The following RSF1 variants were observed in gnomAD, a reference collection of about 807,000 sequenced individuals.
The protein encoded by RSF1 is HBV pX-associated protein 8.
A neutral mutation model predicts 145.2 loss-of-function variants in RSF1; 13 were observed. The ratio of observed to expected loss-of-function variants is 0.09; its 90% CI spans 0.06 to 0.14. The LOEUF (loss-of-function observed/expected upper bound fraction) is 0.14. RSF1 is among the 10% of genes least tolerant of loss of function. The pLI, the probability that RSF1 is intolerant of heterozygous loss-of-function variation, is 1.00. For missense variants in RSF1, 1,517 were observed against 1,718.2 expected (o/e 0.88, Z 2.07); for synonymous variants, 577 against 592.6 (o/e 0.97, Z 0.38).
intron 1 of RSF1, chr11:77,813,834 C>CAT (rs1948755462): frequency 5.0e-6 from 1 of 199,170 alleles, no homozygotes; most frequent in South Asian, 9.5e-5. Flanking sequence ...CACACACACA[C>CAT]ACACACACAC....
At chr11:77,704,542 C>T (rs1264955666) in intron 5 of RSF1, among the ~76,000 whole-genome samples, 1 of 152,054 alleles carries the variant, frequency 6.6e-6, no homozygotes, top group Non-Finnish European at 1.5e-5. Flanking sequence ...CAAAATAAAA[C>T]AAGAAATGAC....
chr11:77,771,964 A>C (rs1948290040), intron 1 of RSF1, among the ~76,000 whole-genome samples: 1 of 152,224 alleles, frequency 6.6e-6, no homozygotes, highest in South Asian at 2.1e-4. Flanking sequence ...CTAAAATGTT[A>C]AAACATTTTC....
chr11:77,829,524 A>G, the RSF1 span: 10 of 152,170 alleles, frequency 6.6e-5, no homozygotes, highest in African/African-American at 2.4e-4. Context: ...TAGTTTTTGC[A>G]ACAAATGATG....
At chr11:77,801,802 G>A (rs1026216202) in intron 1 of RSF1, among the ~76,000 whole-genome samples, 1 of 151,950 alleles carries the variant, frequency 6.6e-6, no homozygotes, top group Non-Finnish European at 1.5e-5. Context: ...TTCCTCCAGA[G>A]AGCGAAGAGA....
At chr11:77,802,095 C>T (rs112326928) in intron 1 of RSF1, among the ~76,000 whole-genome samples, 2,114 of 152,260 alleles carry the variant, frequency 0.014, 46 homozygotes, top group African/African-American at 0.048. Context: ...AGCGCCTGCA[C>T]TTGGGACTCT....
chr11:77,688,731 G>C (rs1960073738), intron 9 of RSF1, among the ~76,000 whole-genome samples: 1 of 152,152 alleles, frequency 6.6e-6, no homozygotes, highest in African/African-American at 2.4e-5. Flanking sequence ...TCCAAGACCA[G>C]CCTGGGCAAC....
the RSF1 span, chr11:77,869,206 T>G: frequency 4.7e-6 from 1 of 210,632 alleles, no homozygotes; most frequent in East Asian, 1.2e-4. Context: ...TTTGGCAAAT[T>G]ACTGGAAGAT....
chr11:77,868,059 T>TC, the RSF1 span, among the ~76,000 whole-genome samples: 1 of 54,926 alleles, frequency 1.8e-5, no homozygotes, highest in Non-Finnish European at 3.6e-5. Context: ...CCTCTGAGCC[T>TC]TTTTTTTTTT....
intron 9 of RSF1, among the ~76,000 whole-genome samples, chr11:77,685,574 G>A (rs950228953): frequency 6.6e-6 from 1 of 152,194 alleles, no homozygotes; most frequent in Non-Finnish European, 1.5e-5. Context: ...GGGATTATAG[G>A]TGTGACCACT....
upstream of RSF1, among the ~76,000 whole-genome samples, chr11:77,825,799 C>A (rs1240647349): frequency 6.6e-6 from 1 of 151,342 alleles, no homozygotes; most frequent in Non-Finnish European, 1.5e-5. Flanking sequence ...TCAAGTGATT[C>A]TCCTGCCTCA....
the RSF1 span, among the ~76,000 whole-genome samples, chr11:77,837,136 T>C: frequency 1.3e-5 from 2 of 152,212 alleles, no homozygotes; most frequent in Non-Finnish European, 2.9e-5. Context: ...TGTTTGTTTG[T>C]TTGCTTGCTT....
In RSF1 at chr11:77,667,258, C is replaced by T; in HGVS notation, c.3985G>A (p.Val1329Ile). The change falls in exon 16 of 16, where the codon GTC becomes ATC. Residue 1329 changes from valine to isoleucine, a missense_variant. Around this residue, in one of 12 missense-constraint regions of RSF1, gnomAD observed 240 missense variants for 231.8 expected, o/e 1.04. Transcript: ENST00000308488. ...NQPARDSQPR[V>I]LPSEQESTKK... ...GTGCTCTCTTGTTCTGAGGGCAGGA[C>T]CCTAGGCTGGCTGTCACGGGCAGGC... The T allele has an allele frequency of 6.2e-7, 1 of 1,614,148 alleles. No individual in the cohort carries two copies. The highest frequency in any genetic ancestry group is 8.5e-7 in the Non-Finnish European group (1 of 1,180,030).
chr11:77,734,817 C>T, intron 4 of RSF1: 1 of 1,595,306 alleles, frequency 6.3e-7, no homozygotes, highest in South Asian at 1.1e-5. Flanking sequence ...GCAGCTTCAT[C>T]AGTTTCTCAG....
At chr11:77,673,671 G>A (rs1959616505) in intron 14 of RSF1, among the ~76,000 whole-genome samples, 2 of 152,148 alleles carry the variant, frequency 1.3e-5, no homozygotes, top group African/African-American at 4.8e-5. Flanking sequence ...ACTAAAACTA[G>A]CAGGTGAAAT....
In RSF1 at chr11:77,700,939, T is replaced by C. The variant is rs1172403293; in HGVS notation, c.2290A>G (p.Lys764Glu). 6.2e-7 allele frequency: 1 copy of C among 1,613,302 alleles called. No individual in the cohort carries two copies. The highest frequency in any genetic ancestry group is 1.1e-5 in the South Asian group (1 of 91,010). Residue 764 changes from lysine (K) to glutamate (E), a missense_variant, in exon 6 of 16, where the codon AAG (lysine) becomes GAG (glutamate). Coordinates refer to ENST00000308488, the MANE Select transcript of RSF1 (RefSeq NM_016578.4). ...EPENKQEKTE[K>E]EEEKTNVGRT... ...CCCACATTTGTTTTCTCCTCTTCCT[T>C]TTCTGTCTTCTCTTGCTTGTTTTCT...
the RSF1 span, among the ~76,000 whole-genome samples, chr11:77,837,741 G>A: frequency 2.6e-5 from 4 of 152,034 alleles, no homozygotes; most frequent in South Asian, 2.1e-4. Context: ...CAGCCCTCAG[G>A]TACTTATTTT....
intron 7 of RSF1, among the ~76,000 whole-genome samples, chr11:77,694,083 C>T (rs1960225226): frequency 6.6e-6 from 1 of 151,870 alleles, no homozygotes; most frequent in Non-Finnish European, 1.5e-5. Flanking sequence ...GCGCCCAGCC[C>T]ATGCTAATTT....
intron 1 of RSF1, among the ~76,000 whole-genome samples, chr11:77,768,769 T>C (rs1226230953): frequency 6.6e-6 from 1 of 152,198 alleles, no homozygotes; most frequent in Non-Finnish European, 1.5e-5. Context: ...AGAAACAGGC[T>C]ACAGGAAAAT....
intron 5 of RSF1, among the ~76,000 whole-genome samples, chr11:77,712,163 T>C (rs1314671562): frequency 6.6e-6 from 1 of 152,238 alleles, no homozygotes; most frequent in Non-Finnish European, 1.5e-5. Context: ...CCTATGTGTC[T>C]AGGGCAGGGC....
Sources: gnomAD v4.1 joint callset for allele counts (sites outside exome capture counted in the v4.1 genomes callset) on GRCh38, gnomAD v4.1.1 for gene constraint, gnomAD v4.1.1 regional missense constraint, MANE v1.5 for transcripts, NCBI Gene and HGNC (gene_info 2026-07-23, HGNC 2026-07-21) for gene names.